Variants in SDS observed in about 807,000 individuals in gnomAD.
SDS encodes the protein L-serine dehydratase/L-threonine deaminase.
In SDS, 19 loss-of-function variants were observed where a neutral mutation model predicts 29.3. The observed-to-expected ratio is 0.65, with a 90% confidence interval of 0.45 to 0.95. The LOEUF (loss-of-function observed/expected upper bound fraction) is 0.95, where lower values mean the gene tolerates loss of function less well. SDS is among the 40% of genes least tolerant of loss of function. The probability of loss-of-function intolerance (pLI) is 0.00; values close to 1 mark genes in which losing one functional copy is unlikely to be tolerated. For synonymous variants in SDS, 176 were observed against 189.0 expected (o/e 0.93, Z 0.56); for missense variants, 375 against 439.9 (o/e 0.85, Z 1.32).
rs758898471 is a variant in SDS at position 113,398,521 on chromosome 12, A to AG, written c.418dup (p.Leu140ProfsTer105). 1 of 1,588,750 alleles carries AG rather than the reference A, an allele frequency of 6.3e-7. No homozygotes were observed. The highest frequency in any genetic ancestry group is 2.2e-5 in the East Asian group (1 of 44,578). On this transcript the variant is annotated frameshift_variant, in exon 5 of 8. Coordinates refer to ENST00000257549, the MANE Select transcript of SDS (RefSeq NM_006843.3). LOFTEE classifies it high-confidence loss of function. Reference sequence around the variant, plus strand: ...GACCTTGAACTCCACATACCAGATGAGGGGGTCATCAAAGGGGGGAATGTA... The same window carrying AG: ...GACCTTGAACTCCACATACCAGATGAGGGGGGTCATCAAAGGGGGGAATGTA...
rs1336771232 is a variant in SDS, at chr12:113,398,525, G to T, written c.415C>A (p.Pro139Thr). 2.5e-6 allele frequency: 4 copies of T among 1,590,510 alleles called. No homozygotes were observed. The highest frequency in any genetic ancestry group is 1.7e-4 in the Middle Eastern group (1 of 5,938). ...TTGAACTCCACATACCAGATGAGGG[G>T]GTCATCAAAGGGGGGAATGTAGACC... Reference protein sequence around the residue: ...GWVYIPPFDDPLIWEGHASIV... With the variant: ...GWVYIPPFDDTLIWEGHASIV... The change falls in exon 5 of 8, where the codon CCC (proline) becomes ACC (threonine). Residue 139 changes from proline (P) to threonine (T), a missense_variant. Transcript: ENST00000257549.
In SDS at chr12:113,397,428, T is replaced by C. The variant is rs763613748; in HGVS notation, c.426-36A>G. The C allele has an allele frequency of 5.8e-6, 9 of 1,548,720 alleles. No homozygotes were observed. In the South Asian group the frequency reaches 1.1e-4, roughly 18 times the overall value. The stretch of plus-strand genomic sequence containing the variant: ...GGGAGAGGGGGTGGCAGGTCAGGGC[T>C]AGGCTTCCTGGAGACACCAGCTCAG... On this transcript the variant is annotated intron_variant, in intron 5 of 7. Transcript: ENST00000257549.
intron 6 of SDS, among the ~76,000 whole-genome samples, chr12:113,395,205 C>T (rs1275211407): frequency 6.6e-6 from 1 of 152,090 alleles, no homozygotes; most frequent in Non-Finnish European, 1.5e-5. Flanking sequence ...CCCCAGCTTC[C>T]TGGGGTGACC....
chr12:113,401,983 C>T (rs778925694), intron 1 of SDS, among the ~76,000 whole-genome samples: 1 of 152,138 alleles, frequency 6.6e-6, no homozygotes, highest in Non-Finnish European at 1.5e-5. Flanking sequence ...AGCCCCCTGT[C>T]CTGGGCACTC....
intron 1 of SDS, among the ~76,000 whole-genome samples, chr12:113,400,654 A>G (rs546829744): frequency 6.6e-6 from 1 of 151,968 alleles, no homozygotes; most frequent in South Asian, 2.1e-4. Flanking sequence ...TTTCTTTTAT[A>G]TATTTTTTTA....
At position 113,392,639 on chromosome 12, in the gene SDS, T is replaced by G. The variant is rs116277594; in HGVS notation, c.*302A>C. On this transcript the variant is annotated 3_prime_UTR_variant, in exon 8 of 8. Transcript: ENST00000257549. Reference sequence around the variant, plus strand: ...TTGAGGAATTCCTCACTGCTGTGATTCAGGTCTCTCCTGTCCACCCTGCTC... The same window carrying G: ...TTGAGGAATTCCTCACTGCTGTGATGCAGGTCTCTCCTGTCCACCCTGCTC... 3,196 of 373,024 alleles carry G rather than the reference T, an allele frequency of 8.6e-3. 86 individuals carry two copies. Among genetic ancestry groups the G allele is most frequent in the African/African-American group, 0.062 (2,875 of 46,568 alleles). 23.1% of individuals were successfully genotyped at this position (373,024 alleles called of 1,614,324 possible). A position where few individuals can be genotyped will look rare whatever the true frequency, so the allele number is the denominator to read the frequency against.
intron 1 of SDS, among the ~76,000 whole-genome samples, chr12:113,400,225 G>A (rs758763899): frequency 1.3e-5 from 2 of 152,126 alleles, no homozygotes; most frequent in African/African-American, 4.8e-5. Context: ...CCCAGGAGGC[G>A]GAGGTTGCAG....
Position 113,393,967 on chromosome 12 carries a change from G to A in SDS, c.703C>T (p.Leu235=), listed in dbSNP as rs1020035176. The stretch of plus-strand genomic sequence containing the variant: ...GAGAAAATGGGGTGTTCCTGAAACA[G>A]CTTCAGGGCCTGAGCCCCCACAGTC... The part of the protein sequence containing the change: ...VKTVGAQALK[L]FQEHPIFSEV... The change falls in exon 7 of 8, where the codon CTG becomes TTG. Residue 235 remains leucine, a synonymous_variant. Coordinates refer to ENST00000257549, the MANE Select transcript of SDS (RefSeq NM_006843.3). 3.7e-6 allele frequency: 6 copies of A among 1,614,200 alleles called. No homozygotes were observed. In the Admixed American group the frequency reaches 5.0e-5, roughly 13 times the overall value.
At chr12:113,399,495 G>A (rs1402365380) in intron 2 of SDS, 61 bp downstream of exon 2, 4 of 1,462,186 alleles carry the variant, frequency 2.7e-6, no homozygotes, top group Non-Finnish European at 9.0e-7. Flanking sequence ...CACTGGCCCT[G>A]CCCTGTTGAG....
intron 1 of SDS, among the ~76,000 whole-genome samples, chr12:113,400,882 G>A (rs1012419479): frequency 8.6e-5 from 13 of 151,722 alleles, no homozygotes; most frequent in African/African-American, 2.4e-4. Flanking sequence ...GGCTGGGCGC[G>A]GTGACTCACA....
At chr12:113,396,599 TTCCC>T (rs1437109509) in intron 6 of SDS, 1 of 106,016 alleles carries the variant, frequency 9.4e-6, no homozygotes, top group Admixed American at 1.1e-4. Flanking sequence ...CCTTCCTTCC[TTCCC>T]TCCCTTCCTC....
intron 5 of SDS, 32 bp downstream of exon 5, chr12:113,398,483 A>G: frequency 7.0e-7 from 1 of 1,433,802 alleles, no homozygotes; most frequent in Non-Finnish European, 9.7e-7. Flanking sequence ...AGTGGCTGCC[A>G]CCCCCACCAA....
chr12:113,394,362 C>T (rs546454851), intron 6 of SDS, among the ~76,000 whole-genome samples: 4 of 140,926 alleles, frequency 2.8e-5, no homozygotes, highest in South Asian at 2.3e-4. Flanking sequence ...TTTTTTTAGA[C>T]GGAGTCTTGC....
chr12:113,396,973 T>C, intron 6 of SDS, 192 bp downstream of exon 6: 2 of 600,338 alleles, frequency 3.3e-6, no homozygotes, highest in South Asian at 4.0e-5. Flanking sequence ...AAGTGTGACA[T>C]GTTGGAGTCA....
chr12:113,393,862 G>C lies in SDS; in HGVS notation c.778+30C>G, dbSNP rs748248303. 6 of 1,613,924 alleles carry C rather than the reference G, an allele frequency of 3.7e-6. No homozygotes were observed. The Admixed American group carries it at 1.0e-4, about 27-fold the overall frequency. The stretch of plus-strand genomic sequence containing the variant: ...CAGCCACTTAGCGCCTGAGTCAGCA[G>C]GTCAGGTCATGGGAGGACCTGGCAC... On this transcript the variant is annotated intron_variant, in intron 7 of 7. Coordinates refer to ENST00000257549, the MANE Select transcript of SDS (RefSeq NM_006843.3).
intron 2 of SDS, 61 bp from the exon 3 acceptor site, chr12:113,399,212 T>TC (rs1957668655): frequency 6.4e-7 from 1 of 1,558,742 alleles, no homozygotes; most frequent in South Asian, 1.1e-5. Context: ...GTGCTCTTCC[T>TC]CCCCACCTGG....
At chr12:113,398,641 G>A in intron 4 of SDS, 35 bp from the exon 5 acceptor site, 1 of 1,601,784 alleles carries the variant, frequency 6.2e-7, no homozygotes, top group Non-Finnish European at 8.5e-7. Flanking sequence ...AGGGGGTGAG[G>A]CACAGGGGGC....
chr12:113,392,962 C>T lies in SDS; in HGVS notation c.966G>A (p.Met322Ile), dbSNP rs976210931. 4 of 1,614,132 alleles carry T rather than the reference C, an allele frequency of 2.5e-6. No individual in the cohort carries two copies. The East Asian group carries it at 6.7e-5, about 27-fold the overall frequency. The change falls in exon 8 of 8, where the codon ATG becomes ATA. Residue 322 changes from methionine (M) to isoleucine (I), a missense_variant. Met to Ile is a conservative substitution (Grantham distance 10). Transcript: ENST00000257549. ...GTCCTCACTTGGGCAACCTATTTGT[C>T]ATGCCCAGCTGTTCCTTGAGCGCCC... ...QLRALKEQLG[M>I]TNRLPK
At chr12:113,399,368 G>T in intron 2 of SDS, 188 bp downstream of exon 2, 1 of 867,272 alleles carries the variant, frequency 1.2e-6, no homozygotes, top group Non-Finnish European at 1.8e-6. Context: ...TCTGGGATCA[G>T]TCCCAAGGAA....
Sources: allele counts gnomAD v4.1 joint callset (sites outside exome capture counted in the v4.1 genomes callset), GRCh38; gene constraint gnomAD v4.1.1; transcripts MANE v1.5; gene names NCBI Gene and HGNC (gene_info 2026-07-23, HGNC 2026-07-21).